KCNK2: variants seen among roughly 807,000 people sequenced by gnomAD.
KCNK2 encodes the protein potassium channel subfamily K member 2.
In KCNK2, 21 loss-of-function variants were observed where a neutral mutation model predicts 40.5. That is an observed-to-expected ratio of 0.52 (90% CI 0.37 to 0.75). The LOEUF (loss-of-function observed/expected upper bound fraction) is 0.75, where lower values mean the gene tolerates loss of function less well. Ranked by LOEUF, KCNK2 falls within the 30% of genes least tolerant of loss-of-function variation. KCNK2 has a pLI of 0.00. For synonymous variants in KCNK2, 191 were observed against 202.2 expected, an observed-to-expected ratio of 0.94 and a Z score of 0.47; for missense variants, 399 against 531.6, an observed-to-expected ratio of 0.75 and a Z score of 2.45.
Position 215,108,214 on chromosome 1 carries a change from G to A in KCNK2, c.358-16419G>A, listed in dbSNP as rs1466485887. 1.3e-5 allele frequency among the ~76,000 whole-genome samples: 2 copies of A among 152,088 alleles called. 1 individual carries two copies. The highest frequency in any genetic ancestry group is 4.8e-5 in the African/African-American group (2 of 41,438). On this transcript the variant is annotated intron_variant, in intron 2 of 6. Transcript: ENST00000444842. ...CGCTCACCTCCTACTGTGCAGCCTGGTTCTTAATAGGCCATGGACTGGTAT... is the reference window on the plus strand; with the variant it reads ...CGCTCACCTCCTACTGTGCAGCCTGATTCTTAATAGGCCATGGACTGGTAT...
chr1:215,194,181 A>G (rs1437095900), intron 5 of KCNK2, among the ~76,000 whole-genome samples: 1 of 152,168 alleles, frequency 6.6e-6, no homozygotes, highest in African/African-American at 2.4e-5. Flanking sequence ...TGGGGTACTA[A>G]ACAAAGGGTG....
rs1446893554 is a variant in KCNK2 at position 215,032,637 on chromosome 1, A to C, written c.34+26682A>C. 2.0e-5 allele frequency among the ~76,000 whole-genome samples: 3 copies of C among 152,212 alleles called. No individual in the cohort carries two copies. In the East Asian group the frequency reaches 5.8e-4, roughly 29 times the overall value. On this transcript the variant is annotated intron_variant, in intron 1 of 6. Transcript: ENST00000391895. ...TATTTCTCCTTTACTTTTGAAGGAT[A>C]ATTTCCCAGCGTATGAAATTGAGGT...
intron 6 of KCNK2, among the ~76,000 whole-genome samples, chr1:215,210,453 T>C (rs1174160530): frequency 6.6e-6 from 1 of 152,024 alleles, no homozygotes; most frequent in East Asian, 1.9e-4. Context: ...CAGTATAGTC[T>C]GACTACAGAA....
chr1:215,037,659 T>G (rs2102490328), intron 1 of KCNK2, among the ~76,000 whole-genome samples: 1 of 152,124 alleles, frequency 6.6e-6, no homozygotes, highest in East Asian at 1.9e-4. Flanking sequence ...GAGCTTAGAC[T>G]TTTCCTTGTG....
In KCNK2 at chr1:215,044,558, C is replaced by G. The variant is rs142853516; in HGVS notation, c.34+38603C>G. 1.6e-3 allele frequency among the ~76,000 whole-genome samples: 243 copies of G among 151,978 alleles called. 1 individual carries two copies. The highest frequency in any genetic ancestry group is 5.7e-3 in the African/African-American group (236 of 41,426). ...TACCTATATTATAGGTAGATATTTC[C>G]TATTAGGGTGCATATTAGAAGTTGT... is the stretch of plus-strand genomic sequence containing the variant. On this transcript the variant is annotated intron_variant, in intron 1 of 6. Coordinates refer to the KCNK2 transcript ENST00000391895.
At chr1:215,181,983 A>G (rs764907334) in intron 5 of KCNK2, among the ~76,000 whole-genome samples, 2 of 152,210 alleles carry the variant, frequency 1.3e-5, no homozygotes, top group Non-Finnish European at 2.9e-5. Context: ...AGTGCGCCTA[A>G]GCATGGAGCT....
At chr1:215,141,114 A>G (rs1310059107) in intron 3 of KCNK2, among the ~76,000 whole-genome samples, 6 of 152,122 alleles carry the variant, frequency 3.9e-5, no homozygotes, top group East Asian at 3.8e-4. Context: ...TTCCCACTGG[A>G]AAGTCTTTAT....
chr1:215,033,373 G>C (rs77459876), intron 1 of KCNK2, among the ~76,000 whole-genome samples: 1,532 of 152,100 alleles, frequency 0.01, 24 homozygotes, highest in South Asian at 0.074. Context: ...GTTTGGTTCT[G>C]ATACTTACTC....
At chr1:215,193,018 TAATA>T (rs906637735) in intron 5 of KCNK2, among the ~76,000 whole-genome samples, 1 of 152,134 alleles carries the variant, frequency 6.6e-6, no homozygotes, top group African/African-American at 2.4e-5. Context: ...ATACTTGATT[TAATA>T]TATACTTGCA....
intron 3 of KCNK2, among the ~76,000 whole-genome samples, chr1:215,168,060 A>G (rs1663527520): frequency 6.6e-6 from 1 of 152,206 alleles, no homozygotes; most frequent in Non-Finnish European, 1.5e-5. Context: ...AAAGATATGA[A>G]CAGACACTTC....
intron 1 of KCNK2, among the ~76,000 whole-genome samples, chr1:215,010,407 G>T (rs189450191): frequency 6.6e-6 from 1 of 152,120 alleles, no homozygotes; most frequent in Non-Finnish European, 1.5e-5. Flanking sequence ...AGAGGAAATC[G>T]TAGAATAGAG....
chr1:215,095,849 T>C (rs1254536442), intron 2 of KCNK2, among the ~76,000 whole-genome samples: 2 of 152,042 alleles, frequency 1.3e-5, no homozygotes, highest in East Asian at 3.9e-4. Flanking sequence ...TCTGTAGATG[T>C]GAAGGCAGAA....
intron 1 of KCNK2, among the ~76,000 whole-genome samples, chr1:215,036,871 G>A (rs2167687): frequency 0.85 from 129,298 of 151,774 alleles, 55,360 homozygotes; most frequent in East Asian, 0.99. Context: ...TTTTGAGCTT[G>A]TATCCTGCAA....
chr1:215,112,810 A>G (rs1323925442), intron 2 of KCNK2, among the ~76,000 whole-genome samples: 10 of 152,198 alleles, frequency 6.6e-5, no homozygotes, highest in Admixed American at 5.9e-4. Context: ...GCAATAGGCT[A>G]TACCATATAG....
At chr1:215,096,140 A>G (rs1427921243) in intron 2 of KCNK2, among the ~76,000 whole-genome samples, 1 of 152,042 alleles carries the variant, frequency 6.6e-6, no homozygotes, top group African/African-American at 2.4e-5. Flanking sequence ...GCAGGAAGGT[A>G]GAAAGAAGAA....
rs182071716 is a variant in KCNK2 at position 215,151,881 on chromosome 1, C to T, written c.476-17318C>T. Among the ~76,000 whole-genome samples, 411 of 152,158 alleles carry T rather than the reference C, an allele frequency of 2.7e-3. 2 individuals carry two copies. The highest frequency in any genetic ancestry group is 4.4e-3 in the Non-Finnish European group (302 of 67,948). On this transcript the variant is annotated intron_variant, in intron 3 of 6. Transcript: ENST00000444842. The stretch of plus-strand genomic sequence containing the variant: ...AACCATGCTTACCTTACTTATTGAA[C>T]GTCTACATCTTTTTAACTCTTGTCC...
chr1:215,150,661 A>C (rs866213719), intron 3 of KCNK2, among the ~76,000 whole-genome samples: 36 of 152,090 alleles, frequency 2.4e-4, no homozygotes, highest in African/African-American at 8.7e-4. Flanking sequence ...CACATTTAAG[A>C]TAATGCTAAA....
rs71167820 is a variant in KCNK2 at position 215,236,053 on chromosome 1, T to TATCATCTATCC, written c.*911_*912insATCTATCCATC. The stretch of plus-strand genomic sequence containing the variant: ...TAAAGGCAGAAGAAGAAAATCTATC[T>TATCATCTATCC]ATCTATCTATCTATCTATCTATCTA... On this transcript the variant is annotated 3_prime_UTR_variant, in exon 7 of 7. Coordinates refer to ENST00000444842, the MANE Select transcript of KCNK2 (RefSeq NM_001017425.3). The TATCATCTATCC allele has an allele frequency of 7.6e-6, 1 of 132,360 alleles. No homozygotes were observed. Among genetic ancestry groups the TATCATCTATCC allele is most frequent in the African/African-American group, 2.8e-5 (1 of 35,382 alleles). 8.2% of individuals were successfully genotyped at this position (132,360 alleles called of 1,614,324 possible). A position where few individuals can be genotyped will look rare whatever the true frequency, so the allele number is the denominator to read the frequency against.
rs530443590 is a variant in KCNK2 at position 215,202,711 on chromosome 1, T to C, written c.963+7619T>C. 3.9e-5 allele frequency among the ~76,000 whole-genome samples: 6 copies of C among 152,324 alleles called. No individual in the cohort carries two copies. The South Asian group carries it at 1.2e-3, about 32-fold the overall frequency. On this transcript the variant is annotated intron_variant, in intron 6 of 6. Coordinates refer to ENST00000444842, the MANE Select transcript of KCNK2 (RefSeq NM_001017425.3). ...TAGAATACATTGTAAGTTATTTCCC[T>C]TTTAATACTAAATGAGAGAATGATG...
Sources: gnomAD v4.1 joint callset for allele counts (sites outside exome capture counted in the v4.1 genomes callset) on GRCh38, gnomAD v4.1.1 for gene constraint, MANE v1.5 for transcripts, NCBI Gene and HGNC (gene_info 2026-07-23, HGNC 2026-07-21) for gene names.